Variants in HCK observed in about 807,000 individuals in gnomAD.
HCK encodes tyrosine-protein kinase HCK.
Under a neutral mutation model 70.4 loss-of-function variants are expected in HCK, and 40 were observed. The observed-to-expected ratio is 0.57, with a 90% CI of 0.44 to 0.74. The LOEUF (loss-of-function observed/expected upper bound fraction) is 0.74, where lower values mean the gene tolerates loss of function less well. HCK is among the 30% of genes least tolerant of loss of function. The pLI, the probability that HCK is intolerant of heterozygous loss-of-function variation, is 0.00. For synonymous variants in HCK, 245 were observed against 263.2 expected, an observed-to-expected ratio of 0.93 and a Z score of 0.67; for missense variants, 568 against 697.2, an observed-to-expected ratio of 0.81 and a Z score of 2.09.
chr20:32,079,024 GCA>G (rs1331590053), intron 5 of HCK, among the ~76,000 whole-genome samples: 1 of 152,154 alleles, frequency 6.6e-6, no homozygotes, highest in African/African-American at 2.4e-5. Flanking sequence ...CAGGTTTGTG[GCA>G]GAGCCAAGGC....
chr20:32,084,291 A>C (rs2045750910), intron 7 of HCK, 100 bp from the exon 8 acceptor site: 1 of 1,335,864 alleles, frequency 7.5e-7, no homozygotes, highest in Non-Finnish European at 1.0e-6. Flanking sequence ...CAGGTGGAAC[A>C]CTGGAGAGAT....
At chr20:32,072,806 C>A (rs115501610) in intron 2 of HCK, among the ~76,000 whole-genome samples, 2 of 151,956 alleles carry the variant, frequency 1.3e-5, no homozygotes, top group Non-Finnish European at 2.9e-5. Context: ...CATCCAAGAC[C>A]GAAGGCCGAG....
intron 1 of HCK, among the ~76,000 whole-genome samples, chr20:32,056,615 A>G (rs1284680182): frequency 6.6e-6 from 1 of 152,076 alleles, no homozygotes; most frequent in Non-Finnish European, 1.5e-5. Flanking sequence ...AAGGGTTTCA[A>G]TTGGCTTCAC....
At chr20:32,076,561 G>A (rs1329171677) in intron 5 of HCK, among the ~76,000 whole-genome samples, 1 of 152,150 alleles carries the variant, frequency 6.6e-6, no homozygotes, top group Admixed American at 6.6e-5. Flanking sequence ...AGTGGAAAAC[G>A]CAGGGTGTAG....
chr20:32,061,347 G>C (rs2045373026), intron 1 of HCK, among the ~76,000 whole-genome samples: 1 of 152,226 alleles, frequency 6.6e-6, no homozygotes, highest in Non-Finnish European at 1.5e-5. Flanking sequence ...TCTCTTGACA[G>C]AGGTCCCCCA....
intron 11 of HCK, among the ~76,000 whole-genome samples, chr20:32,095,572 TAA>T (rs1388136688): frequency 6.6e-6 from 1 of 152,026 alleles, no homozygotes. Flanking sequence ...CAGACAAATC[TAA>T]AGAGACAGAA....
chr20:32,068,743 A>C (rs965357034), intron 1 of HCK, among the ~76,000 whole-genome samples: 3 of 152,084 alleles, frequency 2.0e-5, no homozygotes, highest in Non-Finnish European at 4.4e-5. Flanking sequence ...ACATTGTGAG[A>C]CCTGCCCCCC....
At chr20:32,101,289 C>T (rs76379542) in intron 12 of HCK, 28 bp from the exon 13 acceptor site, 38,763 of 1,607,190 alleles carry the variant, frequency 0.024, 565 homozygotes, top group Non-Finnish European at 0.027. Flanking sequence ...CAACTGCTTC[C>T]GTTTCTAATT....
At chr20:32,098,564 C>T (rs1388974820) in intron 11 of HCK, among the ~76,000 whole-genome samples, 1 of 152,150 alleles carries the variant, frequency 6.6e-6, no homozygotes, top group Non-Finnish European at 1.5e-5. Context: ...GGGAGAGACA[C>T]ATAGTGACTG....
At chr20:32,080,600 T>C (rs567523911) in intron 6 of HCK, among the ~76,000 whole-genome samples, 70 of 152,250 alleles carry the variant, frequency 4.6e-4, no homozygotes, top group Non-Finnish European at 1.9e-4. Flanking sequence ...CTCAAATGAT[T>C]CTCCCATCTC....
At chr20:32,063,925 T>G (rs1239591963) in intron 1 of HCK, among the ~76,000 whole-genome samples, 1 of 151,658 alleles carries the variant, frequency 6.6e-6, no homozygotes, top group Non-Finnish European at 1.5e-5. Flanking sequence ...GCAGGCCTTT[T>G]TTTCCAGCTA....
At chr20:32,053,062 C>T (rs534136035) in intron 1 of HCK, among the ~76,000 whole-genome samples, 1 of 152,208 alleles carries the variant, frequency 6.6e-6, no homozygotes, top group Admixed American at 6.5e-5. Context: ...GCATGCATGC[C>T]CTGTCTCTTT....
chr20:32,095,857 ATATTTATTTATT>A (rs142126874), intron 11 of HCK, among the ~76,000 whole-genome samples: 5,305 of 147,204 alleles, frequency 0.036, 113 homozygotes, highest in Non-Finnish European at 0.039. Flanking sequence ...TGTTAGCCTA[ATATTTATTTATT>A]TATTTATTTA....
rs1470096400 is a variant in HCK, at chr20:32,084,003, C to T, written c.642C>T (p.Ser214=). The change falls in exon 7 of 13, where the codon AGC becomes AGT. Residue 214 remains serine (S), a synonymous_variant. Coordinates refer to ENST00000375852, the MANE Select transcript of HCK (RefSeq NM_002110.5). ...GGGGCTTCTACATATCCCCCCGAAG[C>T]ACCTTCAGCACTCTGCAGGAGCTGG... 2 of 1,614,118 alleles carry T rather than the reference C, an allele frequency of 1.2e-6. No homozygotes were observed. The highest frequency in any genetic ancestry group is 1.1e-5 in the South Asian group (1 of 91,082).
intron 11 of HCK, among the ~76,000 whole-genome samples, chr20:32,096,379 C>T (rs2045955105): frequency 6.6e-6 from 1 of 151,650 alleles, no homozygotes. Flanking sequence ...TGCCTGTAGT[C>T]CCAGCTACTC....
intron 1 of HCK, among the ~76,000 whole-genome samples, chr20:32,064,431 T>C (rs1360287096): frequency 1.3e-5 from 2 of 152,132 alleles, no homozygotes; most frequent in Non-Finnish European, 2.9e-5. Flanking sequence ...CAAAGGAAAA[T>C]TGGAGAACTG....
rs1482373816 is a variant in HCK at position 32,094,011 on chromosome 20, G to A, written c.1241G>A (p.Arg414Gln). Residue 414 changes from arginine to glutamine, a missense_variant, in exon 11 of 13, where the codon CGG becomes CAG. This residue lies in a region of HCK where 160 missense variants were observed against 237.5 expected (regional missense o/e 0.67). Transcript: ENST00000375852. Reference sequence around the variant, plus strand: ...ATTGAGGACAACGAGTACACGGCTCGGGAAGGTAGGGAACGCTGCCAAGCA... The same window carrying A: ...ATTGAGGACAACGAGTACACGGCTCAGGAAGGTAGGGAACGCTGCCAAGCA... 8 of 1,612,136 alleles carry A rather than the reference G, an allele frequency of 5.0e-6. No individual in the cohort carries two copies. Among genetic ancestry groups the A allele is most frequent in the Non-Finnish European group, 5.9e-6 (7 of 1,179,248 alleles).
chr20:32,071,900 AC>A, intron 2 of HCK, 118 bp downstream of exon 2: 1 of 1,263,496 alleles, frequency 7.9e-7, no homozygotes, highest in Non-Finnish European at 1.1e-6. Flanking sequence ...AAGGGAGCTG[AC>A]TGGCCACCAA....
intron 2 of HCK, 143 bp from the exon 3 acceptor site, chr20:32,073,176 A>C (rs926013794): frequency 4.1e-5 from 28 of 675,366 alleles, no homozygotes; most frequent in Non-Finnish European, 6.0e-5. Context: ...GGTGCCAGGC[A>C]TGTCCCCTGC....
Sources: gnomAD v4.1 joint callset for allele counts (sites outside exome capture counted in the v4.1 genomes callset) on GRCh38, gnomAD v4.1.1 for gene constraint, gnomAD v4.1.1 regional missense constraint, MANE v1.5 for transcripts, NCBI Gene and HGNC (gene_info 2026-07-23, HGNC 2026-07-21) for gene names.